The following CROCC2 variants were observed in gnomAD, a reference collection of about 807,000 sequenced individuals.
CROCC2 encodes ciliary rootlet coiled-coil protein 2.
A neutral mutation model predicts 177.6 loss-of-function variants in CROCC2; 163 were observed. The observed-to-expected ratio is 0.92, with a 90% CI of 0.81 to 1.05. The LOEUF (loss-of-function observed/expected upper bound fraction) is 1.05. Among genes scored for constraint, CROCC2 ranks in the 50% least tolerant of loss-of-function variants. CROCC2 has a pLI of 0.00. For synonymous variants in CROCC2, 904 were observed against 787.3 expected, an observed-to-expected ratio of 1.15 and a Z score of -2.48; for missense variants, 1,929 against 1,797.8, an observed-to-expected ratio of 1.07 and a Z score of -1.32.
At chr2:240,928,430 G>GTGTA (rs2059407311) in intron 5 of CROCC2, among the ~76,000 whole-genome samples, 2 of 147,774 alleles carry the variant, frequency 1.4e-5, no homozygotes, top group Non-Finnish European at 3.0e-5. Flanking sequence ...TTGTGTGTGT[G>GTGTA]TGTGTGTGTG....
chr2:240,971,569 C>G (rs1406618890), intron 27 of CROCC2, among the ~76,000 whole-genome samples: 1 of 152,102 alleles, frequency 6.6e-6, no homozygotes, highest in East Asian at 1.9e-4. Context: ...AGCCAGAGGC[C>G]TCCTTGTTTT....
In CROCC2 at chr2:240,966,293, C is replaced by G. The variant is rs1160453559; in HGVS notation, c.4030C>G (p.Leu1344Val). 6 of 453,168 alleles carry G rather than the reference C, an allele frequency of 1.3e-5. No homozygotes were observed. The East Asian group carries it at 1.8e-4, about 13-fold the overall frequency. The allele number at this position is 453,168 out of a possible 1,614,324, so 28.1% of individuals were successfully genotyped here. A position where few individuals can be genotyped will look rare whatever the true frequency, so the allele number is the denominator to read the frequency against. ...CCCCCCAGCCAGGCCCCACTCGCCC[C>G]TCCGATGGCCCTCGCCCACACCCGG... ...TSPPARPHSPLRWPSPTPGGR... is the reference protein window; with the variant it reads ...TSPPARPHSPVRWPSPTPGGR... Residue 1344 changes from leucine to valine, a missense_variant, in exon 25 of 32, where the codon CTC becomes GTC. Leu to Val is a conservative substitution (Grantham distance 32). Transcript: ENST00000690015.
chr2:240,959,474 G>A, intron 20 of CROCC2, 30 bp downstream of exon 20: 1 of 1,546,940 alleles, frequency 6.5e-7, no homozygotes, highest in Non-Finnish European at 8.7e-7. Flanking sequence ...GGCTCCTGGG[G>A]ATGCCAGAGG....
rs1377460437 is a variant in CROCC2 at position 240,964,580 on chromosome 2, G to GGA, written c.3421_3422insAG (p.Ala1141GlufsTer17). On this transcript the variant is annotated frameshift_variant, in exon 22 of 32. Coordinates refer to ENST00000690015, the MANE Select transcript of CROCC2 (RefSeq NM_001351305.2). LOFTEE classifies it high-confidence loss of function. ...GGGCCCACCTGTGGGAGCTGGAGCA[G>GGA]GCAGGGGGGGACGCCCGTCAGGAGC... is the stretch of plus-strand genomic sequence containing the variant. 6.5e-7 allele frequency: 1 copy of GGA among 1,549,712 alleles called. No individual in the cohort carries two copies.
chr2:240,911,648 C>A (rs532398614), intron 1 of CROCC2, among the ~76,000 whole-genome samples: 1 of 151,920 alleles, frequency 6.6e-6, no homozygotes, highest in South Asian at 2.1e-4. Flanking sequence ...TCAACATTCA[C>A]GCCCCATTCC....
chr2:240,967,565 G>A, intron 26 of CROCC2, 100 bp downstream of exon 26: 2 of 1,508,222 alleles, frequency 1.3e-6, no homozygotes. Flanking sequence ...AGTCCCTGGG[G>A]CAGCTCGGTG....
At chr2:240,961,463 C>T (rs2059632808) in intron 20 of CROCC2, among the ~76,000 whole-genome samples, 2 of 152,092 alleles carry the variant, frequency 1.3e-5, no homozygotes, top group African/African-American at 2.4e-5. Flanking sequence ...GTAGTGCATG[C>T]ACAGGCATAC....
chr2:240,946,047 C>T lies in CROCC2; in HGVS notation c.2170-13C>T. The T allele has an allele frequency of 2.0e-6, 3 of 1,485,558 alleles. No homozygotes were observed. The highest frequency in any genetic ancestry group is 2.6e-5 in the South Asian group (2 of 77,032). The allele number at this position is 1,485,558 out of a possible 1,614,324, so 92.0% of individuals were successfully genotyped here. On this transcript the variant is annotated splice_polypyrimidine_tract_variant and intron_variant, in intron 14 of 31. Coordinates refer to ENST00000690015, the MANE Select transcript of CROCC2 (RefSeq NM_001351305.2). ...TCTTTCTCTGCCGACTGTCCCCTCC[C>T]CACCTCCCCTAGGTCACATGCCAGA...
At chr2:240,974,923 T>A (rs1346376792) in intron 27 of CROCC2, among the ~76,000 whole-genome samples, 1 of 152,198 alleles carries the variant, frequency 6.6e-6, no homozygotes, top group East Asian at 1.9e-4. Context: ...TGCCACTTTT[T>A]ATTGCTTACG....
chr2:240,909,757 T>A (rs911725726), intron 1 of CROCC2, among the ~76,000 whole-genome samples: 3 of 152,166 alleles, frequency 2.0e-5, no homozygotes, highest in Non-Finnish European at 4.4e-5. Context: ...CTGACACCTG[T>A]TATTTTTGCT....
At chr2:240,939,215 T>G (rs924340417) in intron 14 of CROCC2, among the ~76,000 whole-genome samples, 2 of 152,122 alleles carry the variant, frequency 1.3e-5, no homozygotes, top group African/African-American at 2.4e-5. Flanking sequence ...AAATTATAAA[T>G]GGGTACTGGG....
intron 28 of CROCC2, chr2:240,983,602 G>A (rs1463011213): frequency 7.8e-7 from 1 of 1,284,660 alleles, no homozygotes. Context: ...GTGGTCCTTA[G>A]AGAGGAAGGA....
chr2:240,927,894 G>A (rs559120678), intron 5 of CROCC2, among the ~76,000 whole-genome samples: 80 of 152,272 alleles, frequency 5.3e-4, no homozygotes, highest in African/African-American at 1.6e-3. Context: ...CAGGTGATCC[G>A]CCTGCCTCAG....
At chr2:240,907,447 C>A (rs1463176178) in intron 1 of CROCC2, among the ~76,000 whole-genome samples, 5 of 152,166 alleles carry the variant, frequency 3.3e-5, no homozygotes, top group African/African-American at 1.2e-4. Flanking sequence ...CCCCAGGGAA[C>A]CCCTGACGAA....
chr2:240,935,482 G>T lies in CROCC2; in HGVS notation c.2063G>T (p.Gly688Val). ...GCGCTGGAGCGGGCAGAGCGCAGGG[G>T]CCTGCAGCAGGCCTGCGGACGCCTG... ...QLALERAERRGLQQACGRLEQ... is the reference protein window; with the variant it reads ...QLALERAERRVLQQACGRLEQ... Residue 688 changes from glycine to valine, a missense_variant, in exon 14 of 32, where the codon GGC becomes GTC. Coordinates refer to ENST00000690015, the MANE Select transcript of CROCC2 (RefSeq NM_001351305.2). 1 of 1,357,230 alleles carries T rather than the reference G, an allele frequency of 7.4e-7. No homozygotes were observed. The allele number at this position is 1,357,230 out of a possible 1,614,324, so 84.1% of individuals were successfully genotyped here. A position where few individuals can be genotyped will look rare whatever the true frequency, so the allele number is the denominator to read the frequency against.
Position 240,988,775 on chromosome 2 carries a change from G to T in CROCC2, c.4588G>T (p.Ala1530Ser). The change falls in exon 29 of 32, where the codon GCG becomes TCG. Residue 1530 changes from alanine to serine, a missense_variant. Coordinates refer to ENST00000690015, the MANE Select transcript of CROCC2 (RefSeq NM_001351305.2). ...QETLKREEDV[A>S]RLGAEKEQLD... ...GACACTGAAGAGGGAGGAGGATGTG[G>T]CGAGGCTGGGGGCTGAGAAGGAGCA... The T allele has an allele frequency of 6.6e-7, 1 of 1,508,714 alleles. No individual in the cohort carries two copies. Among genetic ancestry groups the T allele is most frequent in the Non-Finnish European group, 8.9e-7 (1 of 1,122,250 alleles). 93.5% of individuals were successfully genotyped at this position (1,508,714 alleles called of 1,614,324 possible). A position where few individuals can be genotyped will look rare whatever the true frequency, so the allele number is the denominator to read the frequency against.
At chr2:240,911,659 C>T (rs2059289570) in intron 1 of CROCC2, among the ~76,000 whole-genome samples, 2 of 151,924 alleles carry the variant, frequency 1.3e-5, no homozygotes, top group South Asian at 2.1e-4. Context: ...GCCCCATTCC[C>T]CCCTCTCCCA....
In CROCC2 at chr2:240,931,069, T is replaced by A. The variant is rs1442869679; in HGVS notation, c.888T>A (p.Ala296=). Reference sequence around the variant, plus strand: ...TGGGGCAGCAGCTTCGGGACAAGGCTGGGGAGATGCTGCAGCTGCAGGGCC... The same window carrying A: ...TGGGGCAGCAGCTTCGGGACAAGGCAGGGGAGATGCTGCAGCTGCAGGGCC... The part of the protein sequence containing the change: ...STLGQQLRDK[A]GEMLQLQGRW... The change falls in exon 7 of 32, where the codon GCT becomes GCA. Residue 296 remains alanine (A), a synonymous_variant. Transcript: ENST00000690015. 1 of 716,280 alleles carries A rather than the reference T, an allele frequency of 1.4e-6. No homozygotes were observed. Among genetic ancestry groups the A allele is most frequent in the Non-Finnish European group, 2.6e-6 (1 of 384,624 alleles). 44.4% of individuals were successfully genotyped at this position (716,280 alleles called of 1,614,324 possible).
At chr2:240,927,132 C>G (rs773789327) in intron 5 of CROCC2, among the ~76,000 whole-genome samples, 1 of 152,146 alleles carries the variant, frequency 6.6e-6, no homozygotes, top group Non-Finnish European at 1.5e-5. Context: ...TTTCTCCTTC[C>G]GCTGCTGCTG....
Sources: allele counts gnomAD v4.1 joint callset (sites outside exome capture counted in the v4.1 genomes callset), GRCh38; gene constraint gnomAD v4.1.1; transcripts MANE v1.5; gene names NCBI Gene and HGNC (gene_info 2026-07-23, HGNC 2026-07-21).